Variants in MITD1 observed in about 807,000 individuals in gnomAD.
MITD1 encodes the protein microtubule interacting and trafficking domain containing 1, also known as MIT domain-containing protein 1.
In MITD1, 24 loss-of-function variants were observed where a neutral mutation model predicts 34.9. That is an observed-to-expected ratio of 0.69 (90% CI 0.50 to 0.97). The LOEUF (loss-of-function observed/expected upper bound fraction) is 0.97, where lower values mean the gene tolerates loss of function less well. MITD1 is among the 50% of genes least tolerant of loss of function. The pLI, the probability that MITD1 is intolerant of heterozygous loss-of-function variation, is 0.00. For synonymous variants in MITD1, 102 were observed against 101.4 expected, an observed-to-expected ratio of 1.01 and a Z score of -0.04; for missense variants, 266 against 294.6, an observed-to-expected ratio of 0.90 and a Z score of 0.71.
At chr2:99,180,807 TC>T (rs1404054335) in intron 1 of MITD1, 23 bp downstream of exon 1, 6 of 1,605,730 alleles carry the variant, frequency 3.7e-6, no homozygotes, top group Non-Finnish European at 5.1e-6. Context: ...CCTCAGGTCC[TC>T]CCCGCCTTGG....
chr2:99,161,721 T>C (rs1053348843), downstream of MITD1: 1 of 436,692 alleles, frequency 2.3e-6, no homozygotes, highest in Non-Finnish European at 4.0e-6. Flanking sequence ...AGCAGACTTA[T>C]TGTTTGAAAA....
At chr2:99,162,898 C>G in intron 7 of MITD1, 1 of 1,613,090 alleles carries the variant, frequency 6.2e-7, no homozygotes, top group South Asian at 1.1e-5. Flanking sequence ...AATATTGAAG[C>G]ACCTGATCAT....
chr2:99,179,073 A>G (rs1184948825), intron 1 of MITD1, among the ~76,000 whole-genome samples: 1 of 152,170 alleles, frequency 6.6e-6, no homozygotes, highest in Non-Finnish European at 1.5e-5. Flanking sequence ...TTATCTATAG[A>G]TATCTCTCTC....
At chr2:99,163,270 T>C (rs2093811411) in intron 7 of MITD1, 3 of 384,718 alleles carry the variant, frequency 7.8e-6, no homozygotes, top group Non-Finnish European at 1.4e-5. Flanking sequence ...TCTGTGTATT[T>C]CTTCTGACCT....
rs2093843992 is a variant in MITD1 at position 99,169,552 on chromosome 2, G to T, written c.652C>A (p.Gln218Lys). The T allele has an allele frequency of 2.5e-6, 4 of 1,608,758 alleles. No homozygotes were observed. The highest frequency in any genetic ancestry group is 3.4e-6 in the Non-Finnish European group (4 of 1,175,302). ...GRGLDYFKKP[Q>K]SRFSLGYCDF... ...TTACTCATAAGATTATATCCTACCT[G>T]TGGTTTCTTAAAATAATCAAGTCCC... The change falls in exon 6 of 7, where the codon CAG becomes AAG. Residue 218 changes from glutamine (Q) to lysine (K), a missense_variant and splice_region_variant. Physicochemically the swap from Gln to Lys is moderately conservative, Grantham distance 53 (BLOSUM62 1). Coordinates refer to ENST00000289359, the MANE Select transcript of MITD1 (RefSeq NM_138798.3).
chr2:99,169,036 T>C (rs1001859670), downstream of MITD1, among the ~76,000 whole-genome samples: 5 of 148,010 alleles, frequency 3.4e-5, no homozygotes, highest in African/African-American at 1.2e-4. Context: ...ATCCATGGTG[T>C]CTTTCCCTCC....
At chr2:99,177,011 A>G (rs2093891746) in intron 1 of MITD1, among the ~76,000 whole-genome samples, 1 of 152,162 alleles carries the variant, frequency 6.6e-6, no homozygotes. Flanking sequence ...CTATATATAC[A>G]TACATCTATA....
At chr2:99,172,293 C>T (rs545963850) in intron 2 of MITD1, 3 of 151,138 alleles carry the variant, frequency 2.0e-5, no homozygotes, top group Non-Finnish European at 4.4e-5. Flanking sequence ...GGGGCTGAGG[C>T]AGGAGAATCA....
chr2:99,166,040 C>G (rs2105207637), downstream of MITD1, among the ~76,000 whole-genome samples: 1 of 152,276 alleles, frequency 6.6e-6, no homozygotes, highest in East Asian at 1.9e-4. Flanking sequence ...TGATTTTTCA[C>G]TCCAAAACCT....
At position 99,173,967 on chromosome 2, in the gene MITD1, T is replaced by G; in HGVS notation, c.201A>C (p.Lys67Asn). The G allele has an allele frequency of 6.2e-7, 1 of 1,607,152 alleles. No individual in the cohort carries two copies. The highest frequency in any genetic ancestry group is 1.3e-5 in the African/African-American group (1 of 74,908). The change falls in exon 2 of 7, where the codon AAA (lysine) becomes AAC (asparagine). Residue 67 changes from lysine (K) to asparagine (N), a missense_variant. Transcript: ENST00000289359. ...TTATGTTTTCCGCTCTGTCCATGTATTTGGAAATTTTTTCTCTGAGATTAC... is the reference window on the plus strand; with the variant it reads ...TTATGTTTTCCGCTCTGTCCATGTAGTTGGAAATTTTTTCTCTGAGATTAC... ...KRCNLREKIS[K>N]YMDRAENIKK...
intron 7 of MITD1, chr2:99,162,416 C>A: frequency 1.2e-6 from 2 of 1,614,002 alleles, no homozygotes; most frequent in Non-Finnish European, 1.7e-6. Context: ...AAAGATTTGA[C>A]CTTTTACTTG....
chr2:99,177,155 T>C (rs2093892492), intron 1 of MITD1, among the ~76,000 whole-genome samples: 1 of 152,230 alleles, frequency 6.6e-6, no homozygotes. Flanking sequence ...CAACCTTTCC[T>C]CAACCTTGCT....
At chr2:99,171,480 A>ATTTCATTATATTTTAG in intron 3 of MITD1, 30 bp downstream of exon 3, 1 of 1,585,814 alleles carries the variant, frequency 6.3e-7, no homozygotes, top group Non-Finnish European at 8.7e-7. Flanking sequence ...TGAATATGAT[A>ATTTCATTATATTTTAG]TTTCATTATA....
At chr2:99,176,678 G>A (rs963926608) in intron 1 of MITD1, among the ~76,000 whole-genome samples, 1 of 141,660 alleles carries the variant, frequency 7.1e-6, no homozygotes, top group Non-Finnish European at 1.6e-5. Context: ...GTGTGCGTGT[G>A]TGTGTGCGCG....
intron 7 of MITD1, chr2:99,162,501 T>C (rs1229378337): frequency 1.2e-6 from 2 of 1,614,044 alleles, no homozygotes; most frequent in Non-Finnish European, 1.7e-6. Flanking sequence ...CACTTTATTA[T>C]GTAGTACTGA....
downstream of MITD1, among the ~76,000 whole-genome samples, chr2:99,168,421 G>A (rs761946427): frequency 1.3e-5 from 2 of 152,214 alleles, no homozygotes; most frequent in Admixed American, 1.3e-4. Flanking sequence ...GATTACAGGC[G>A]TGAGCCACTG....
chr2:99,171,746 ATTT>A (rs1357452890), intron 2 of MITD1, 100 bp from the exon 3 acceptor site: 2 of 1,172,518 alleles, frequency 1.7e-6, no homozygotes, highest in Non-Finnish European at 2.4e-6. Context: ...ATACATATTA[ATTT>A]TTTTAACTTA....
downstream of MITD1, among the ~76,000 whole-genome samples, chr2:99,165,280 T>A (rs535186516): frequency 2.0e-5 from 3 of 152,198 alleles, no homozygotes; most frequent in Admixed American, 2.0e-4. Flanking sequence ...TTGGCCAGGC[T>A]GTTCTTGAAC....
At chr2:99,161,895 AAAATAGAATT>A, downstream of MITD1, 1 of 1,395,566 alleles carries the variant, frequency 7.2e-7, no homozygotes. Context: ...TGATAGTTAG[AAAATAGAATT>A]TAATGTTCCT....
Sources: gnomAD v4.1 joint callset for allele counts (sites outside exome capture counted in the v4.1 genomes callset) on GRCh38, gnomAD v4.1.1 for gene constraint, MANE v1.5 for transcripts, NCBI Gene and HGNC (gene_info 2026-07-23, HGNC 2026-07-21) for gene names.